The following RAPGEF5 variants were observed in gnomAD, a reference collection of about 807,000 sequenced individuals.
RAPGEF5 encodes Rap guanine nucleotide exchange factor 5, also known as M-Ras-regulated GEF.
A neutral mutation model predicts 125.2 loss-of-function variants in RAPGEF5; 65 were observed. The observed-to-expected ratio is 0.52, with a 90% CI of 0.43 to 0.64. The LOEUF is 0.64. RAPGEF5 is among the 30% of genes least tolerant of loss of function. The pLI, the probability that RAPGEF5 is intolerant of heterozygous loss-of-function variation, is 0.00. For missense variants in RAPGEF5, 958 were observed against 1,048.1 expected, an observed-to-expected ratio of 0.91 and a Z score of 1.19; for synonymous variants, 391 against 385.9, an observed-to-expected ratio of 1.01 and a Z score of -0.16.
intron 14 of RAPGEF5, among the ~76,000 whole-genome samples, chr7:22,158,331 C>T (rs940708240): frequency 6.6e-6 from 1 of 152,160 alleles, no homozygotes; most frequent in Non-Finnish European, 1.5e-5. Flanking sequence ...CAGGATGTGT[C>T]TCTGTGTGGT....
intron 6 of RAPGEF5, among the ~76,000 whole-genome samples, chr7:22,273,167 A>AAAT (rs1239209628): frequency 6.6e-6 from 1 of 151,850 alleles, no homozygotes; most frequent in Non-Finnish European, 1.5e-5. Flanking sequence ...TGTGATGATA[A>AAAT]AATGTATCTA....
intron 7 of RAPGEF5, among the ~76,000 whole-genome samples, chr7:22,232,314 C>G (rs1356810361): frequency 5.7e-5 from 8 of 139,316 alleles, no homozygotes; most frequent in Non-Finnish European, 6.3e-5. Context: ...ATTCTGTGTG[C>G]TTTTTTTTTT....
chr7:22,288,555 C>G (rs1187368372), intron 6 of RAPGEF5, among the ~76,000 whole-genome samples: 2 of 149,694 alleles, frequency 1.3e-5, no homozygotes, highest in African/African-American at 5.0e-5. Flanking sequence ...CGGAGTCTCG[C>G]TCTTTCGCCC....
chr7:22,353,530 G>A (rs914110186), intron 1 of RAPGEF5, among the ~76,000 whole-genome samples: 6 of 151,986 alleles, frequency 3.9e-5, no homozygotes, highest in Non-Finnish European at 7.4e-5. Context: ...GTATGGAGGG[G>A]GAAAATAAAT....
At chr7:22,151,527 T>C (rs1156774425) in intron 17 of RAPGEF5, among the ~76,000 whole-genome samples, 1 of 150,000 alleles carries the variant, frequency 6.7e-6, no homozygotes, top group Non-Finnish European at 1.5e-5. Context: ...ACTAGTGTGA[T>C]CTCGGCTCAC....
intron 9 of RAPGEF5, among the ~76,000 whole-genome samples, 189 bp downstream of exon 9, chr7:22,219,677 T>C (rs1785730892): frequency 6.6e-6 from 1 of 152,116 alleles, no homozygotes; most frequent in African/African-American, 2.4e-5. Flanking sequence ...TTATAAATCC[T>C]GTGTCATAAG....
intron 7 of RAPGEF5, among the ~76,000 whole-genome samples, chr7:22,257,375 A>C (rs1364263515): frequency 2.0e-5 from 3 of 152,166 alleles, no homozygotes; most frequent in Non-Finnish European, 2.9e-5. Flanking sequence ...GCGTTTGATC[A>C]CCTCCTAAAA....
chr7:22,176,098 G>C (rs1408469270), intron 11 of RAPGEF5, among the ~76,000 whole-genome samples: 1 of 152,162 alleles, frequency 6.6e-6, no homozygotes, highest in East Asian at 1.9e-4. Flanking sequence ...GGGGATGAAA[G>C]AGCAAAGGCA....
At chr7:22,234,642 C>T (rs139435493) in intron 7 of RAPGEF5, among the ~76,000 whole-genome samples, 11 of 152,238 alleles carry the variant, frequency 7.2e-5, no homozygotes, top group African/African-American at 2.4e-4. Flanking sequence ...TTAACAGATT[C>T]GTTAAGGGTA....
intron 8 of RAPGEF5, among the ~76,000 whole-genome samples, chr7:22,225,358 G>A (rs1207461164): frequency 6.6e-6 from 1 of 152,142 alleles, no homozygotes. Context: ...AAATATTGCT[G>A]TTTTGATTTT....
At chr7:22,208,806 T>C (rs1785449789) in intron 9 of RAPGEF5, among the ~76,000 whole-genome samples, 1 of 152,226 alleles carries the variant, frequency 6.6e-6, no homozygotes, top group African/African-American at 2.4e-5. Flanking sequence ...GACACTCTTT[T>C]GCTACGTTCT....
rs185383109 is a variant in RAPGEF5, at chr7:22,161,214, A to C, written c.1429-599T>G. On this transcript the variant is annotated intron_variant, in intron 13 of 25. Transcript: ENST00000665637. ...ACAGAGCGAGACTCCGTCTCAAAAA[A>C]TAAATAAATAAGTAAACAAATAAAT... Among the ~76,000 whole-genome samples, 75 of 152,158 alleles carry C rather than the reference A, an allele frequency of 4.9e-4. No individual in the cohort carries two copies. The East Asian group carries it at 0.014, about 28-fold the overall frequency.
At chr7:22,302,497 T>C (rs1442832496) in intron 5 of RAPGEF5, among the ~76,000 whole-genome samples, 1 of 152,098 alleles carries the variant, frequency 6.6e-6, no homozygotes, top group Non-Finnish European at 1.5e-5. Context: ...AGAACAGTTA[T>C]ATCTCAGGGG....
At chr7:22,349,871 G>T (rs1373157717) in intron 1 of RAPGEF5, among the ~76,000 whole-genome samples, 5 of 152,086 alleles carry the variant, frequency 3.3e-5, no homozygotes, top group Non-Finnish European at 7.4e-5. Context: ...AACCTCTCTG[G>T]ATTGTAATTT....
chr7:22,230,766 T>C, intron 8 of RAPGEF5, 80 bp downstream of exon 8: 1 of 1,290,310 alleles, frequency 7.8e-7, no homozygotes, highest in Non-Finnish European at 1.1e-6. Flanking sequence ...AAAACCTATA[T>C]CATTTTTTAA....
At chr7:22,227,668 C>T (rs1191363482) in intron 8 of RAPGEF5, among the ~76,000 whole-genome samples, 2 of 152,026 alleles carry the variant, frequency 1.3e-5, no homozygotes, top group Non-Finnish European at 2.9e-5. Flanking sequence ...AGCAAAACCA[C>T]ATCTCTACAA....
At chr7:22,341,161 G>C (rs533404890) in intron 1 of RAPGEF5, among the ~76,000 whole-genome samples, 3 of 152,298 alleles carry the variant, frequency 2.0e-5, no homozygotes, top group Admixed American at 1.3e-4. Flanking sequence ...CATGTGGCTG[G>C]GGAGGCCTCA....
chr7:22,261,063 T>C (rs77924461), intron 7 of RAPGEF5, among the ~76,000 whole-genome samples: 2,381 of 152,258 alleles, frequency 0.016, 35 homozygotes, highest in Non-Finnish European at 0.025. Flanking sequence ...TCACACCATA[T>C]ACATAAAATT....
chr7:22,125,436 T>G, intron 25 of RAPGEF5, 168 bp downstream of exon 25: 1 of 595,210 alleles, frequency 1.7e-6, no homozygotes, highest in East Asian at 3.1e-5. Flanking sequence ...ATCCCCAACA[T>G]GCAGTGAGGA....
Sources: gnomAD v4.1 joint callset for allele counts (sites outside exome capture counted in the v4.1 genomes callset) on GRCh38, gnomAD v4.1.1 for gene constraint, MANE v1.5 for transcripts, NCBI Gene and HGNC (gene_info 2026-07-23, HGNC 2026-07-21) for gene names.